The following PRDM4 variants were observed in gnomAD, a reference collection of about 807,000 sequenced individuals.
The protein encoded by PRDM4 is PR/SET domain 4.
Under a neutral mutation model 62.3 loss-of-function variants are expected in PRDM4, and 38 were observed. The observed-to-expected ratio is 0.61, with a 90% confidence interval of 0.47 to 0.80. PRDM4 has a LOEUF of 0.80. PRDM4 is among the 30% of genes least tolerant of loss of function. The pLI is 0.00. For missense variants in PRDM4, 858 were observed against 997.1 expected (o/e 0.86, Z 1.88); for synonymous variants, 339 against 348.2 (o/e 0.97, Z 0.30).
At chr12:107,753,375 G>C (rs939459803) in intron 4 of PRDM4, among the ~76,000 whole-genome samples, 1 of 97,634 alleles carries the variant, frequency 1.0e-5, no homozygotes, top group Admixed American at 1.0e-4. Flanking sequence ...TCCATTAAAA[G>C]AAAAAAAAAA....
intron 11 of PRDM4, chr12:107,738,268 T>C (rs1170247331): frequency 1.3e-5 from 2 of 152,186 alleles, no homozygotes; most frequent in Non-Finnish European, 2.9e-5. Flanking sequence ...TGATGTAATA[T>C]TTGATAATTT....
At chr12:107,755,004 T>C (rs559738720) in intron 3 of PRDM4, 1 of 152,356 alleles carries the variant, frequency 6.6e-6, no homozygotes, top group Admixed American at 6.5e-5. Flanking sequence ...ACTTGCAAAG[T>C]GAAGTGACTT....
chr12:107,752,228 GAGAT>G lies in PRDM4; in HGVS notation c.332-23_332-20del. 6.6e-7 allele frequency: 1 copy of G among 1,514,362 alleles called. No individual in the cohort carries two copies. The highest frequency in any genetic ancestry group is 9.2e-7 in the Non-Finnish European group (1 of 1,091,898). 93.8% of individuals were successfully genotyped at this position (1,514,362 alleles called of 1,614,324 possible). A position where few individuals can be genotyped will look rare whatever the true frequency, so the allele number is the denominator to read the frequency against. On this transcript the variant is annotated intron_variant, in intron 4 of 11. Coordinates refer to ENST00000228437, the MANE Select transcript of PRDM4 (RefSeq NM_012406.4). The stretch of plus-strand genomic sequence containing the variant: ...AAAATGCCTGAGAAAAGGAAAAGAT[GAGAT>G]ATCAGAGACTTTTAGTACATTATTA...
At position 107,733,008 on chromosome 12, in the gene PRDM4, A is replaced by C. The variant is rs1890221016; in HGVS notation, c.*1202T>G. 1 of 152,682 alleles carries C rather than the reference A, an allele frequency of 6.5e-6. No homozygotes were observed. Among genetic ancestry groups the C allele is most frequent in the Admixed American group, 6.5e-5 (1 of 15,282 alleles). 9.5% of individuals were successfully genotyped at this position (152,682 alleles called of 1,614,324 possible). On this transcript the variant is annotated 3_prime_UTR_variant, in exon 12 of 12. Transcript: ENST00000228437. ...CCAGCCCAGAGGTTGTGCCTTGAGC[A>C]GGAGAGCATGTTCCATCAATCCTGT... is the stretch of plus-strand genomic sequence containing the variant.
At position 107,760,516 on chromosome 12, in the gene PRDM4, C is replaced by T. The variant is rs766097957; in HGVS notation, c.-1G>A. On this transcript the variant is annotated 5_prime_UTR_variant, in exon 2 of 12. Coordinates refer to ENST00000228437, the MANE Select transcript of PRDM4 (RefSeq NM_012406.4). ...ACCTCCCTACTCACCTGTGATGCAT[C>T]GGCTTGGGGCCAAATATCAGAGAAA... The T allele has an allele frequency of 6.2e-7, 1 of 1,613,428 alleles. No individual in the cohort carries two copies. The highest frequency in any genetic ancestry group is 1.1e-5 in the South Asian group (1 of 90,894).
chr12:107,751,744 A>G lies in PRDM4; in HGVS notation c.797T>C (p.Val266Ala). Residue 266 changes from valine to alanine, a missense_variant, in exon 5 of 12, where the codon GTG becomes GCG. Coordinates refer to ENST00000228437, the MANE Select transcript of PRDM4 (RefSeq NM_012406.4). ...TGCAATGTGGTCTGTCTCCATGACC[A>G]CAGGGAGCTCCAGGCCATTCCCATG... ...PMHGNGLELPVVMETDHIASR... is the reference protein window; with the variant it reads ...PMHGNGLELPAVMETDHIASR... 1 of 1,614,204 alleles carries G rather than the reference A, an allele frequency of 6.2e-7. No individual in the cohort carries two copies.
intron 3 of PRDM4, among the ~76,000 whole-genome samples, 187 bp downstream of exon 3, chr12:107,756,645 C>T (rs1287297448): frequency 6.6e-6 from 1 of 152,220 alleles, no homozygotes; most frequent in Non-Finnish European, 1.5e-5. Flanking sequence ...CACTAGAATT[C>T]TAATACTCTA....
At position 107,741,202 on chromosome 12, in the gene PRDM4, G is replaced by C; in HGVS notation, c.1668C>G (p.Tyr556Ter). The change falls in exon 10 of 12, where the codon TAC becomes TAG. Residue 556 changes from tyrosine (Y) to a stop codon, truncating the protein, a stop_gained. Transcript: ENST00000228437. LOFTEE classifies it high-confidence loss of function. The stretch of plus-strand genomic sequence containing the variant: ...TGGTCAGATGGGCTTTGAACTCTGT[G>C]TAAGAATTGCACTCCTTGCCACAGT... ...LCNCGKECNSYTEFKAHLTSH... is the reference protein window; with the variant it reads ...LCNCGKECNS 1 of 1,614,156 alleles carries C rather than the reference G, an allele frequency of 6.2e-7. No individual in the cohort carries two copies. The highest frequency in any genetic ancestry group is 8.5e-7 in the Non-Finnish European group (1 of 1,180,020).
rs1374921017 is a variant in PRDM4, at chr12:107,732,967, A to C, written c.*1243T>G. 6.6e-6 allele frequency: 1 copy of C among 152,588 alleles called. No homozygotes were observed. Among genetic ancestry groups the C allele is most frequent in the Non-Finnish European group, 1.5e-5 (1 of 68,032 alleles). 9.5% of individuals were successfully genotyped at this position (152,588 alleles called of 1,614,324 possible). A position where few individuals can be genotyped will look rare whatever the true frequency, so the allele number is the denominator to read the frequency against. Reference sequence around the variant, plus strand: ...AATACATTAGCAGCAAAACCTTCCCACCAGAGTCCTCTACTCCAGCCCAGA... The same window carrying C: ...AATACATTAGCAGCAAAACCTTCCCCCCAGAGTCCTCTACTCCAGCCCAGA... On this transcript the variant is annotated 3_prime_UTR_variant, in exon 12 of 12. Transcript: ENST00000228437.
chr12:107,752,269 G>A, intron 4 of PRDM4, 60 bp from the exon 5 acceptor site: 1 of 1,234,812 alleles, frequency 8.1e-7, no homozygotes. Context: ...AGAATTCCAA[G>A]CACTAGACGC....
Position 107,735,644 on chromosome 12 carries a change from C to T in PRDM4, c.2094-1122G>A, listed in dbSNP as rs114783321. On this transcript the variant is annotated intron_variant, in intron 11 of 11. Transcript: ENST00000228437. ...TTCTACAATGCACAGGGCAGCCCCA[C>T]AACAAAAAATTAACCCGGTCAAAAT... 3.5e-3 allele frequency among the ~76,000 whole-genome samples: 531 copies of T among 151,738 alleles called. 3 individuals are homozygous for T. Among genetic ancestry groups the T allele is most frequent in the African/African-American group, 0.012 (481 of 41,328 alleles).
At chr12:107,737,346 C>T (rs7957541) in intron 11 of PRDM4, among the ~76,000 whole-genome samples, 10,186 of 152,122 alleles carry the variant, frequency 0.067, 400 homozygotes, top group South Asian at 0.1. Flanking sequence ...CCATAGGAAG[C>T]CTAAAGCCTC....
intron 2 of PRDM4, among the ~76,000 whole-genome samples, chr12:107,757,217 C>G (rs1039909096): frequency 1.3e-5 from 2 of 152,136 alleles, no homozygotes; most frequent in Non-Finnish European, 2.9e-5. Flanking sequence ...CTGCCTTGTT[C>G]GAAACTCTAG....
At position 107,752,030 on chromosome 12, in the gene PRDM4, T is replaced by C. The variant is rs1182843170; in HGVS notation, c.511A>G (p.Asn171Asp). 2 of 1,614,206 alleles carry C rather than the reference T, an allele frequency of 1.2e-6. No homozygotes were observed. The highest frequency in any genetic ancestry group is 1.7e-6 in the Non-Finnish European group (2 of 1,180,010). ...GIVSIDSRSVNTHGAQSLHPS... is the reference protein window; with the variant it reads ...GIVSIDSRSVDTHGAQSLHPS... ...TGAAGACTTTGGGCACCATGTGTGTTCACAGAGCGAGAGTCTATTGAAACA... is the reference window on the plus strand; with the variant it reads ...TGAAGACTTTGGGCACCATGTGTGTCCACAGAGCGAGAGTCTATTGAAACA... Residue 171 changes from asparagine (N) to aspartate (D), a missense_variant, in exon 5 of 12, where the codon AAC becomes GAC. Transcript: ENST00000228437.
chr12:107,742,270 A>G lies in PRDM4; in HGVS notation c.1560T>C (p.Pro520=), dbSNP rs1446409945. ...IFFCTSQDIP[P]ENELLFYYSR... ...TATAATAAAAAAGCAGTTCATTTTC[A>G]GGAGGGATATCTTGTGAGGTGCAGA... The change falls in exon 9 of 12, where the codon CCT becomes CCC. Residue 520 remains proline (P), a synonymous_variant. Transcript: ENST00000228437. 1 of 1,613,316 alleles carries G rather than the reference A, an allele frequency of 6.2e-7. No homozygotes were observed. Among genetic ancestry groups the G allele is most frequent in the Non-Finnish European group, 8.5e-7 (1 of 1,179,476 alleles).
chr12:107,748,209 TA>T (rs1890778358), intron 5 of PRDM4, among the ~76,000 whole-genome samples: 1 of 151,838 alleles, frequency 6.6e-6, no homozygotes, highest in South Asian at 2.1e-4. Flanking sequence ...TAAATAAAAA[TA>T]AAAAATTAAC....
chr12:107,742,683 G>C, intron 8 of PRDM4: 1 of 267,514 alleles, frequency 3.7e-6, no homozygotes, highest in Non-Finnish European at 7.0e-6. Context: ...CAGTAACTCA[G>C]GGGTGGACTA....
At chr12:107,747,798 TTTTC>T (rs1420874099) in intron 5 of PRDM4, among the ~76,000 whole-genome samples, 2 of 152,108 alleles carry the variant, frequency 1.3e-5, no homozygotes, top group Non-Finnish European at 2.9e-5. Context: ...TCTATCTGTC[TTTTC>T]TTTTTTTTTT....
At chr12:107,757,938 A>AT (rs1433556401) in intron 2 of PRDM4, among the ~76,000 whole-genome samples, 1 of 152,190 alleles carries the variant, frequency 6.6e-6, no homozygotes, top group African/African-American at 2.4e-5. Flanking sequence ...TACTATAAAC[A>AT]TTACAGAACC....
Sources: allele counts gnomAD v4.1 joint callset (sites outside exome capture counted in the v4.1 genomes callset), GRCh38; gene constraint gnomAD v4.1.1; transcripts MANE v1.5; gene names NCBI Gene and HGNC (gene_info 2026-07-23, HGNC 2026-07-21).